Variants in COA1 observed in about 807,000 individuals in gnomAD.
COA1 encodes cytochrome c oxidase assembly factor 1 homolog.
A neutral mutation model predicts 16.0 loss-of-function variants in COA1; 13 were observed. The observed-to-expected ratio is 0.81, with a 90% CI of 0.53 to 1.29. The LOEUF is 1.29. Among genes scored for constraint, COA1 ranks in the 50% most tolerant of loss-of-function variants. The pLI, the probability that COA1 is intolerant of heterozygous loss-of-function variation, is 0.00. For synonymous variants in COA1, 65 were observed against 65.7 expected, an observed-to-expected ratio of 0.99 and a Z score of 0.05; for missense variants, 179 against 177.0, an observed-to-expected ratio of 1.01 and a Z score of -0.06.
downstream of COA1, chr7:43,638,996 C>T (rs945954071): frequency 6.6e-6 from 1 of 152,324 alleles, no homozygotes; most frequent in Non-Finnish European, 1.5e-5. Flanking sequence ...AAATCTTCAA[C>T]TGGGCAGATG....
chr7:43,680,774 G>A (rs1391863430), intron 1 of COA1, among the ~76,000 whole-genome samples: 1 of 152,176 alleles, frequency 6.6e-6, no homozygotes. Context: ...TTCGAGACCA[G>A]CCTGGGCAAC....
chr7:43,684,816 C>A (rs1210202732), intron 1 of COA1, among the ~76,000 whole-genome samples: 1 of 152,110 alleles, frequency 6.6e-6, no homozygotes, highest in Non-Finnish European at 1.5e-5. Flanking sequence ...TTGGGGTAGC[C>A]TGAAATACCA....
intron 6 of COA1, among the ~76,000 whole-genome samples, chr7:43,613,230 G>T (rs1388425903): frequency 6.6e-6 from 1 of 152,128 alleles, no homozygotes; most frequent in Non-Finnish European, 1.5e-5. Context: ...AAAATATTCA[G>T]GGTGCAAAAA....
At chr7:43,659,891 T>G (rs746200318) in intron 1 of COA1, among the ~76,000 whole-genome samples, 1 of 152,138 alleles carries the variant, frequency 6.6e-6, no homozygotes, top group Non-Finnish European at 1.5e-5. Context: ...AAAGAGGTAA[T>G]TAAATTAATA....
chr7:43,664,103 A>AAGAGAGAGAGAGAGAGAGAGAGAGAG (rs141990456), intron 1 of COA1, among the ~76,000 whole-genome samples: 1,693 of 135,026 alleles, frequency 0.013, 32 homozygotes, highest in Middle Eastern at 0.039. Context: ...TGTCTTTAGA[A>AAGAGAGAGAGAGAGAGAGAGAGAGAG]AGAGAGAGAG....
intron 1 of COA1, among the ~76,000 whole-genome samples, chr7:43,719,742 A>G (rs1312091847): frequency 6.6e-6 from 1 of 152,188 alleles, no homozygotes; most frequent in Non-Finnish European, 1.5e-5. Context: ...ATATAGTATT[A>G]AGCCTTGTTT....
intron 1 of COA1, among the ~76,000 whole-genome samples, chr7:43,679,581 G>T (rs1179092581): frequency 2.6e-5 from 4 of 152,194 alleles, no homozygotes; most frequent in Admixed American, 6.5e-5. Flanking sequence ...ACATCACACT[G>T]CTTTTCTCAA....
At chr7:43,628,640 C>T (rs1036111172) in intron 6 of COA1, among the ~76,000 whole-genome samples, 1 of 152,148 alleles carries the variant, frequency 6.6e-6, no homozygotes, top group African/African-American at 2.4e-5. Context: ...GCATTTTAGC[C>T]ATGCTTCTGG....
intron 6 of COA1, among the ~76,000 whole-genome samples, chr7:43,627,285 A>G (rs1351824022): frequency 3.3e-5 from 5 of 152,230 alleles, no homozygotes; most frequent in Admixed American, 3.3e-4. Flanking sequence ...TAGTAGTGGT[A>G]TAGAGGAAGG....
chr7:43,669,452 C>G (rs1450795143), intron 1 of COA1, among the ~76,000 whole-genome samples: 1 of 152,056 alleles, frequency 6.6e-6, no homozygotes, highest in Non-Finnish European at 1.5e-5. Context: ...GCAACACGGC[C>G]GCCCCCACAT....
chr7:43,646,499 T>C, intron 3 of COA1: 1 of 453,612 alleles, frequency 2.2e-6, no homozygotes, highest in South Asian at 1.6e-5. Context: ...GCCACATAGC[T>C]GGTCAAGAGC....
intron 1 of COA1, among the ~76,000 whole-genome samples, chr7:43,677,116 T>C (rs1271364080): frequency 6.6e-6 from 1 of 152,236 alleles, no homozygotes; most frequent in Non-Finnish European, 1.5e-5. Flanking sequence ...TTTCTATATG[T>C]TTTTCTTGTA....
rs373487839 is a variant in COA1, at chr7:43,711,023, T to C, written c.-39+18406A>G. 1.3e-5 allele frequency among the ~76,000 whole-genome samples: 2 copies of C among 151,114 alleles called. 1 individual carries two copies. Among genetic ancestry groups the C allele is most frequent in the Non-Finnish European group, 3.0e-5 (2 of 67,598 alleles). ...TGTATTTGTTGATGGTTTTTTTTTT[T>C]CATTTTTGTAAAAAGATGTTGGATC... is the stretch of plus-strand genomic sequence containing the variant. On this transcript the variant is annotated intron_variant, in intron 1 of 5. Transcript: ENST00000223336.
At chr7:43,651,983 C>T (rs1269582766) in intron 1 of COA1, among the ~76,000 whole-genome samples, 1 of 152,124 alleles carries the variant, frequency 6.6e-6, no homozygotes, top group African/African-American at 2.4e-5. Context: ...GGCAACAGAG[C>T]GAGGCCCTGT....
intron 1 of COA1, among the ~76,000 whole-genome samples, chr7:43,714,715 A>C (rs1316314108): frequency 6.6e-6 from 1 of 151,648 alleles, no homozygotes; most frequent in Non-Finnish European, 1.5e-5. Flanking sequence ...GAAATTAAAA[A>C]AGAAACAATA....
chr7:43,645,243 C>T lies in COA1; in HGVS notation c.264+8G>A, dbSNP rs1383319717. 9 of 1,613,732 alleles carry T rather than the reference C, an allele frequency of 5.6e-6. No homozygotes were observed. Among genetic ancestry groups the T allele is most frequent in the Non-Finnish European group, 7.6e-6 (9 of 1,179,806 alleles). On this transcript the variant is annotated splice_region_variant and intron_variant, in intron 4 of 5. Transcript: ENST00000223336. ...ACCAGCCTGCGGTTCGCAGGGAAAG[C>T]ACATTACCTTGGCATCAACAATGTC...
At chr7:43,638,990 C>A (rs1347074651), downstream of COA1, 5 of 152,256 alleles carry the variant, frequency 3.3e-5, no homozygotes, top group Non-Finnish European at 7.3e-5. Context: ...TTTTGCAAAT[C>A]TTCAACTGGG....
downstream of COA1, among the ~76,000 whole-genome samples, chr7:43,635,702 T>TATCA (rs575799717): frequency 2.0e-5 from 3 of 152,164 alleles, no homozygotes; most frequent in Non-Finnish European, 2.9e-5. Flanking sequence ...TACCACTACA[T>TATCA]ATCACTGGAC....
chr7:43,656,715 G>T lies in COA1; in HGVS notation c.-38-8063C>A, dbSNP rs944206806. On this transcript the variant is annotated intron_variant, in intron 1 of 5. Transcript: ENST00000223336. ...ATCTCAAAAAACAAAAAAACAAAAA[G>T]TATTTGAGACAAAGATAAACAATAA... is the stretch of plus-strand genomic sequence containing the variant. Among the ~76,000 whole-genome samples, 9 of 151,958 alleles carry T rather than the reference G, an allele frequency of 5.9e-5. No individual in the cohort carries two copies. In the East Asian group the frequency reaches 9.6e-4, roughly 16 times the overall value.
Sources: allele counts gnomAD v4.1 joint callset (sites outside exome capture counted in the v4.1 genomes callset), GRCh38; gene constraint gnomAD v4.1.1; transcripts MANE v1.5; gene names NCBI Gene and HGNC (gene_info 2026-07-23, HGNC 2026-07-21).